PRKG1: variants seen among roughly 807,000 people sequenced by gnomAD.
PRKG1 encodes protein kinase cGMP-dependent 1.
PRKG1 carries 35 observed loss-of-function variants against 88.1 expected under a neutral mutation model. The observed-to-expected ratio is 0.40, with a 90% confidence interval of 0.30 to 0.53. PRKG1 has a LOEUF of 0.53. Among genes scored for constraint, PRKG1 ranks in the 20% least tolerant of loss-of-function variants. The pLI, the probability that PRKG1 is intolerant of heterozygous loss-of-function variation, is 0.59. For missense variants in PRKG1, 540 were observed against 839.8 expected (o/e 0.64, Z 4.41); for synonymous variants, 303 against 292.5 (o/e 1.04, Z -0.37).
At chr10:51,529,109 A>C (rs1455154727) in intron 3 of PRKG1, among the ~76,000 whole-genome samples, 1 of 152,110 alleles carries the variant, frequency 6.6e-6, no homozygotes, top group Non-Finnish European at 1.5e-5. Context: ...CTATCTCAGT[A>C]GATGGCACCA....
intron 1 of PRKG1, among the ~76,000 whole-genome samples, chr10:51,034,382 T>TGCAGACAGAAG (rs1843324550): frequency 6.6e-6 from 1 of 151,924 alleles, no homozygotes; most frequent in Admixed American, 6.6e-5. Context: ...AGACAGAATA[T>TGCAGACAGAAG]TATCATGCAC....
chr10:51,811,757 C>G (rs4367894), intron 4 of PRKG1, among the ~76,000 whole-genome samples: 24,236 of 152,012 alleles, frequency 0.16, 2,817 homozygotes, highest in African/African-American at 0.33. Flanking sequence ...CTGTGAAGAT[C>G]TTGCCTAAGT....
At chr10:52,016,542 T>C (rs772513402) in intron 5 of PRKG1, among the ~76,000 whole-genome samples, 1 of 152,152 alleles carries the variant, frequency 6.6e-6, no homozygotes, top group Non-Finnish European at 1.5e-5. Context: ...AGTCTTTAAT[T>C]TAGAAAAGTG....
At chr10:51,339,574 C>T (rs141846780) in intron 2 of PRKG1, among the ~76,000 whole-genome samples, 3,503 of 151,758 alleles carry the variant, frequency 0.023, 71 homozygotes, top group Non-Finnish European at 0.039. Flanking sequence ...TCATAAGATA[C>T]CGTAACATTT....
At chr10:51,421,297 A>G (rs1838410873) in intron 2 of PRKG1, among the ~76,000 whole-genome samples, 1 of 152,082 alleles carries the variant, frequency 6.6e-6, no homozygotes, top group African/African-American at 2.4e-5. Flanking sequence ...TCAGCCTCCC[A>G]AGTATTTAAT....
At chr10:51,463,957 T>C (rs1163056909) in intron 2 of PRKG1, among the ~76,000 whole-genome samples, 1 of 152,212 alleles carries the variant, frequency 6.6e-6, no homozygotes, top group Non-Finnish European at 1.5e-5. Flanking sequence ...CATTTATGTC[T>C]TTCTGTTTAC....
intron 2 of PRKG1, among the ~76,000 whole-genome samples, chr10:51,452,984 G>T (rs1160883712): frequency 6.6e-6 from 1 of 151,794 alleles, no homozygotes; most frequent in Non-Finnish European, 1.5e-5. Context: ...TTATTGGTCT[G>T]CTCAGAATTT....
chr10:51,474,273 A>G (rs955612789), intron 3 of PRKG1, among the ~76,000 whole-genome samples: 7 of 152,108 alleles, frequency 4.6e-5, no homozygotes, highest in Non-Finnish European at 7.4e-5. Flanking sequence ...TACTATCACA[A>G]GCTTTTAAAT....
intron 1 of PRKG1, among the ~76,000 whole-genome samples, chr10:51,150,616 T>G (rs183878335): frequency 5.5e-4 from 84 of 152,238 alleles, no homozygotes; most frequent in Non-Finnish European, 7.2e-4. Flanking sequence ...GTATAAATAG[T>G]AAGATGTGGT....
At chr10:51,239,686 A>G (rs1341283564) in intron 2 of PRKG1, among the ~76,000 whole-genome samples, 1 of 152,108 alleles carries the variant, frequency 6.6e-6, no homozygotes, top group Non-Finnish European at 1.5e-5. Flanking sequence ...TCTGTAATGA[A>G]ATGGTTTGAG....
chr10:51,638,280 T>A (rs1268540433), intron 3 of PRKG1, among the ~76,000 whole-genome samples: 1 of 152,130 alleles, frequency 6.6e-6, no homozygotes, highest in African/African-American at 2.4e-5. Context: ...CTTAAAATAG[T>A]AATGGAAGTC....
At chr10:51,937,592 G>A (rs1247457648) in intron 5 of PRKG1, among the ~76,000 whole-genome samples, 1 of 152,014 alleles carries the variant, frequency 6.6e-6, no homozygotes, top group Non-Finnish European at 1.5e-5. Context: ...TGAACTGCCT[G>A]TTTATTTACT....
chr10:51,861,185 T>C (rs1163618722), intron 4 of PRKG1, among the ~76,000 whole-genome samples: 3 of 152,240 alleles, frequency 2.0e-5, no homozygotes, highest in African/African-American at 7.2e-5. Flanking sequence ...GTCTGGTGTC[T>C]GAGTTCAAAT....
intron 7 of PRKG1, among the ~76,000 whole-genome samples, chr10:52,074,023 C>CA (rs1298790246): frequency 6.9e-6 from 1 of 144,010 alleles, no homozygotes; most frequent in Non-Finnish European, 1.6e-5. Flanking sequence ...GTTAGTTGTA[C>CA]AAAAAAATTA....
intron 1 of PRKG1, among the ~76,000 whole-genome samples, chr10:51,151,621 A>G (rs1846074760): frequency 6.6e-6 from 1 of 151,512 alleles, no homozygotes; most frequent in Non-Finnish European, 1.5e-5. Context: ...TCTAAAATCA[A>G]TTTTGTATCC....
At chr10:52,177,854 A>G (rs1331168462) in intron 9 of PRKG1, among the ~76,000 whole-genome samples, 2 of 146,652 alleles carry the variant, frequency 1.4e-5, no homozygotes, top group Admixed American at 6.8e-5. Context: ...CTCTTTTACC[A>G]TTTCTTATTT....
At position 51,435,453 on chromosome 10, in the gene PRKG1, CAT is replaced by C. The variant is rs143893388; in HGVS notation, c.479-32257_479-32256del. ...ATATATATATATATATGTCATATGA[CAT>C]ATATATATATATGGCAAAACATTGG... On this transcript the variant is annotated intron_variant, in intron 2 of 17. Transcript: ENST00000373980. Among the ~76,000 whole-genome samples the C allele has an allele frequency of 2.5e-3, 377 of 149,206 alleles. 1 individual carries two copies. Among genetic ancestry groups the C allele is most frequent in the African/African-American group, 9.0e-3 (365 of 40,684 alleles).
At chr10:52,115,755 C>T (rs1413076966) in intron 7 of PRKG1, among the ~76,000 whole-genome samples, 1 of 152,150 alleles carries the variant, frequency 6.6e-6, no homozygotes, top group Admixed American at 6.6e-5. Flanking sequence ...AGGGCAATGA[C>T]TTTATCCTTT....
chr10:51,557,796 G>A (rs1837352115), intron 3 of PRKG1, among the ~76,000 whole-genome samples: 1 of 152,056 alleles, frequency 6.6e-6, no homozygotes, highest in Non-Finnish European at 1.5e-5. Context: ...CTACATCTGT[G>A]TCAACTACTA....
Sources: allele counts gnomAD v4.1 joint callset (sites outside exome capture counted in the v4.1 genomes callset), GRCh38; gene constraint gnomAD v4.1.1; transcripts MANE v1.5; gene names NCBI Gene and HGNC (gene_info 2026-07-23, HGNC 2026-07-21).